STS: variants seen among roughly 807,000 people sequenced by gnomAD.
STS encodes steroid sulfatase.
STS carries 7 observed loss-of-function variants against 26.8 expected under a neutral mutation model. That is an observed-to-expected ratio of 0.26 (90% CI 0.15 to 0.49). STS has a LOEUF of 0.49. Ranked by LOEUF, STS falls within the 20% of genes least tolerant of loss-of-function variation. The pLI, the probability that STS is intolerant of heterozygous loss-of-function variation, is 0.98. For missense variants in STS, 434 were observed against 465.6 expected, an observed-to-expected ratio of 0.93 and a Z score of 0.63; for synonymous variants, 199 against 189.4, an observed-to-expected ratio of 1.05 and a Z score of -0.42.
intron 2 of STS, among the ~76,000 whole-genome samples, chrX:7,245,756 T>C (rs1248425241): frequency 8.9e-6 from 1 of 112,070 alleles, no homozygotes; most frequent in East Asian, 2.8e-4. Context: ...AAAGGGGAAC[T>C]TCCTCCCATG....
intron 2 of STS, among the ~76,000 whole-genome samples, chrX:7,202,972 C>G: frequency 9.0e-6 from 1 of 111,024 alleles, no homozygotes; most frequent in Non-Finnish European, 1.9e-5. Context: ...ACGTCCCTGT[C>G]TCTCTGTGTC....
intron 1 of STS, among the ~76,000 whole-genome samples, chrX:7,179,151 G>A (rs1933633746): frequency 9.2e-6 from 1 of 108,867 alleles, no homozygotes; most frequent in Admixed American, 9.8e-5. Context: ...GCTTTCTCTA[G>A]TCCTTCTCAT....
intron 2 of STS, among the ~76,000 whole-genome samples, chrX:7,208,297 A>G (rs1920964940): frequency 8.9e-6 from 1 of 112,352 alleles, no homozygotes; most frequent in Non-Finnish European, 1.9e-5. Context: ...AAATCAGAAA[A>G]GCATAGAAAA....
chrX:7,147,834 G>A lies in STS; in HGVS notation c.-383G>A, dbSNP rs1215242076. The A allele has an allele frequency of 2.0e-4, 28 of 142,397 alleles. No individual in the cohort carries two copies. Among genetic ancestry groups the A allele is most frequent in the Non-Finnish European group, 3.6e-4 (25 of 70,149 alleles). 11.7% of individuals were successfully genotyped at this position (142,397 alleles called of 1,213,427 possible). ...CGGGTGCTGGGGCCGCGTAGACGCC[G>A]CGGCCACGCGCGCCCGCCAGCCCGG... On this transcript the variant is annotated 5_prime_UTR_variant, in exon 1 of 11. Transcript: ENST00000674429.
chrX:7,155,985 C>CA (rs1179740259), intron 1 of STS, among the ~76,000 whole-genome samples: 1 of 109,264 alleles, frequency 9.2e-6, no homozygotes, highest in Non-Finnish European at 1.9e-5. Flanking sequence ...CCCATCTCTA[C>CA]AAAAAAAATA....
chrX:7,148,123 T>C, intron 1 of STS, 40 bp downstream of exon 1: 1 of 1,115,696 alleles, frequency 9.0e-7, no homozygotes, highest in Non-Finnish European at 1.2e-6. Context: ...TGGTGGCGCC[T>C]TCTGGGTCTG....
intron 6 of STS, among the ~76,000 whole-genome samples, chrX:7,273,787 A>AAAGAAATTGAATTCC (rs1310678095): frequency 1.8e-5 from 2 of 111,486 alleles, no homozygotes; most frequent in Non-Finnish European, 3.8e-5. Context: ...ATTAAAAAAA[A>AAAGAAATTGAATTCC]AAGAAATTGA....
chrX:7,328,309 G>A (rs1448648350), intron 9 of STS, among the ~76,000 whole-genome samples: 2 of 111,652 alleles, frequency 1.8e-5, no homozygotes, highest in African/African-American at 6.5e-5. Flanking sequence ...AAGTTCAGAG[G>A]CAAAGAGGAA....
intron 2 of STS, among the ~76,000 whole-genome samples, chrX:7,223,112 A>AAT (rs1322816996): frequency 8.9e-6 from 1 of 111,776 alleles, no homozygotes; most frequent in Non-Finnish European, 1.9e-5. Context: ...TATTCCACGG[A>AAT]ATATATATAT....
chrX:7,333,379 G>A (rs1289363375), intron 9 of STS, among the ~76,000 whole-genome samples: 2 of 112,211 alleles, frequency 1.8e-5, no homozygotes, highest in African/African-American at 6.5e-5. Flanking sequence ...ATACCCAGTA[G>A]TAGAGGAGAT....
chrX:7,266,722 A>G (rs749465160), intron 6 of STS, among the ~76,000 whole-genome samples: 8 of 112,256 alleles, frequency 7.1e-5, no homozygotes, highest in Admixed American at 1.9e-4. Flanking sequence ...AACTCTCTGT[A>G]TGTGCCCTGT....
chrX:7,313,231 T>C (rs960892015), intron 8 of STS, among the ~76,000 whole-genome samples: 3 of 112,393 alleles, frequency 2.7e-5, no homozygotes, highest in Non-Finnish European at 5.6e-5. Flanking sequence ...TACTTTTTTT[T>C]CATGTGCAGA....
rs185485848 is a variant in STS, at chrX:7,226,432, T to C, written c.-4-26764T>C. On this transcript the variant is annotated intron_variant, in intron 2 of 10. Coordinates refer to ENST00000674429, the MANE Select transcript of STS (RefSeq NM_001320752.2). ...TATTTGGATTGTCTCCAGTTTTTGGTTATTGTGACTAAGGCTTTGGGTGGA... is the reference window on the plus strand; with the variant it reads ...TATTTGGATTGTCTCCAGTTTTTGGCTATTGTGACTAAGGCTTTGGGTGGA... 4.5e-5 allele frequency among the ~76,000 whole-genome samples: 5 copies of C among 112,303 alleles called. No individual in the cohort carries two copies. The East Asian group carries it at 1.4e-3, about 31-fold the overall frequency.
chrX:7,331,144 G>A (rs1257495195), intron 9 of STS, among the ~76,000 whole-genome samples: 7 of 111,436 alleles, frequency 6.3e-5, no homozygotes, highest in African/African-American at 1.6e-4. Context: ...GTGGAGGGAC[G>A]AGGATGTTGA....
intron 2 of STS, among the ~76,000 whole-genome samples, chrX:7,215,132 CACACACAT>C (rs1185505731): frequency 1.2e-5 from 1 of 82,221 alleles, no homozygotes; most frequent in Non-Finnish European, 2.3e-5. Flanking sequence ...CACACACACA[CACACACAT>C]ATATATATAT....
In STS at chrX:7,304,905, C is replaced by T. The variant is rs779316140; in HGVS notation, c.944-141C>T. 16 of 692,485 alleles carry T rather than the reference C, an allele frequency of 2.3e-5. No homozygotes were observed. The South Asian group carries it at 3.8e-4, about 17-fold the overall frequency. The allele number at this position is 692,485 out of a possible 1,213,427, so 57.1% of individuals were successfully genotyped here. A position where few individuals can be genotyped will look rare whatever the true frequency, so the allele number is the denominator to read the frequency against. On this transcript the variant is annotated intron_variant, in intron 7 of 10. Coordinates refer to ENST00000674429, the MANE Select transcript of STS (RefSeq NM_001320752.2). ...GCCACAGCCAGTCTTGATTGCATCA[C>T]GTCTCATGCTGGGATAAACTCCAAT...
At chrX:7,282,757 A>G (rs1924934242) in intron 7 of STS, among the ~76,000 whole-genome samples, 1 of 112,392 alleles carries the variant, frequency 8.9e-6, no homozygotes, top group African/African-American at 3.2e-5. Context: ...GGAAGTTTTA[A>G]AAGTGAAAGT....
At chrX:7,192,343 C>T (rs917844334) in intron 2 of STS, among the ~76,000 whole-genome samples, 2 of 111,839 alleles carry the variant, frequency 1.8e-5, no homozygotes, top group Non-Finnish European at 3.8e-5. Flanking sequence ...GCGGGCAGAT[C>T]GCCTGAGGTC....
chrX:7,212,978 A>C (rs1033959745), intron 2 of STS, among the ~76,000 whole-genome samples: 2 of 111,507 alleles, frequency 1.8e-5, no homozygotes, highest in Non-Finnish European at 3.8e-5. Flanking sequence ...ACTCTCCTGA[A>C]AATAAAAGTC....
Sources: gnomAD v4.1 joint callset for allele counts (sites outside exome capture counted in the v4.1 genomes callset) on GRCh38, gnomAD v4.1.1 for gene constraint, MANE v1.5 for transcripts, NCBI Gene and HGNC (gene_info 2026-07-23, HGNC 2026-07-21) for gene names.